SYCP2: variants seen among roughly 807,000 people sequenced by gnomAD.
The protein encoded by SYCP2 is synaptonemal complex lateral element protein.
SYCP2 carries 55 observed loss-of-function variants against 211.3 expected under a neutral mutation model. The ratio of observed to expected loss-of-function variants is 0.26; its 90% CI spans 0.21 to 0.33. The LOEUF (loss-of-function observed/expected upper bound fraction) is 0.33. SYCP2 is among the 10% of genes least tolerant of loss of function. The probability of loss-of-function intolerance (pLI) is 1.00; values close to 1 mark genes in which losing one functional copy is unlikely to be tolerated. For missense variants in SYCP2, 1,731 were observed against 1,752.0 expected (o/e 0.99, Z 0.21); for synonymous variants, 570 against 555.2 (o/e 1.03, Z -0.37).
chr20:59,910,374 ATTTTTTTTTT>A (rs898302276), intron 14 of SYCP2, among the ~76,000 whole-genome samples: 6 of 76,262 alleles, frequency 7.9e-5, no homozygotes, highest in Non-Finnish European at 7.4e-5. Context: ...GTAATTGCTT[ATTTTTTTTTT>A]TTTTTTTTTT....
intron 15 of SYCP2, 60 bp from the exon 16 acceptor site, chr20:59,901,870 A>G (rs1030257225): frequency 1.4e-5 from 18 of 1,297,498 alleles, no homozygotes; most frequent in South Asian, 1.8e-5. Flanking sequence ...CAAGTATACT[A>G]TAAATAAGAC....
At chr20:59,901,923 T>C (rs1412848407) in intron 15 of SYCP2, 113 bp from the exon 16 acceptor site, 2 of 812,210 alleles carry the variant, frequency 2.5e-6, no homozygotes, top group African/African-American at 1.8e-5. Context: ...AAATTCTCAA[T>C]ATTGAACAGT....
At position 59,916,403 on chromosome 20, in the gene SYCP2, T is replaced by A. The variant is rs185034744; in HGVS notation, c.513+83A>T. On this transcript the variant is annotated intron_variant, in intron 8 of 44. Transcript: ENST00000357552. ...CCAAGCTAAGTAATTTTGTCCTACA[T>A]GAAATAAATTGTCAATTTAATTGCT... 1.4e-4 allele frequency: 111 copies of A among 765,626 alleles called. No homozygotes were observed. The African/African-American group carries it at 1.8e-3, about 12-fold the overall frequency. 47.4% of individuals were successfully genotyped at this position (765,626 alleles called of 1,614,324 possible).
chr20:59,874,016 C>A lies in SYCP2; in HGVS notation c.3395G>T (p.Cys1132Phe). ...ATAAGGTGATATAGATTTTGTTATG[C>A]AGTCATAATCCTGAGTAAAATCCTT... ...TEKDFTQDYD[C>F]ITKSISPYPK... The change falls in exon 35 of 45, where the codon TGC (cysteine) becomes TTC (phenylalanine). Residue 1132 changes from cysteine to phenylalanine, a missense_variant. Cys to Phe is a radical substitution (Grantham distance 205, BLOSUM62 -2). Coordinates refer to ENST00000357552, the MANE Select transcript of SYCP2 (RefSeq NM_014258.4). 6.2e-7 allele frequency: 1 copy of A among 1,611,632 alleles called. No individual in the cohort carries two copies. The highest frequency in any genetic ancestry group is 8.5e-7 in the Non-Finnish European group (1 of 1,178,492).
At chr20:59,871,795 A>G (rs1159356043) in intron 35 of SYCP2, among the ~76,000 whole-genome samples, 1 of 151,968 alleles carries the variant, frequency 6.6e-6, no homozygotes, top group Non-Finnish European at 1.5e-5. Flanking sequence ...AATAGTTGTT[A>G]TATGTGTTGT....
chr20:59,921,287 A>C (rs776391586), intron 4 of SYCP2, 23 bp downstream of exon 4: 1 of 1,570,090 alleles, frequency 6.4e-7, no homozygotes, highest in Non-Finnish European at 8.6e-7. Context: ...TGTAACAATC[A>C]TTCAGCAAAA....
rs775120601 is a variant in SYCP2 at position 59,922,382 on chromosome 20, C to T, written c.24+8G>A. On this transcript the variant is annotated splice_region_variant and intron_variant, in intron 3 of 44. Coordinates refer to ENST00000357552, the MANE Select transcript of SYCP2 (RefSeq NM_014258.4). ...GAAAATACTTACTTTTGGTCTAGGA[C>T]TACATACCTGGAGATCTGGTCTTAT... The T allele has an allele frequency of 1.2e-5, 19 of 1,565,390 alleles. No individual in the cohort carries two copies. Among genetic ancestry groups the T allele is most frequent in the Non-Finnish European group, 1.6e-5 (19 of 1,161,534 alleles).
intron 3 of SYCP2, 113 bp downstream of exon 3, chr20:59,922,277 C>A: frequency 1.1e-6 from 1 of 944,312 alleles, no homozygotes; most frequent in Non-Finnish European, 1.6e-6. Context: ...TTGACCATTT[C>A]ATAAAAACAT....
chr20:59,893,313 C>T (rs188916891), intron 21 of SYCP2, 114 bp from the exon 22 acceptor site: 53 of 784,522 alleles, frequency 6.8e-5, no homozygotes, highest in African/African-American at 5.6e-4. Flanking sequence ...ACGGATTGAT[C>T]GATTTTGCAT....
At chr20:59,893,470 G>A in intron 21 of SYCP2, 54 bp downstream of exon 21, 1 of 1,109,878 alleles carries the variant, frequency 9.0e-7, no homozygotes, top group South Asian at 1.4e-5. Context: ...AATACAGGGA[G>A]AAGTATATAC....
At chr20:59,886,637 C>T in intron 25 of SYCP2, 70 bp downstream of exon 25, 1 of 1,163,866 alleles carries the variant, frequency 8.6e-7, no homozygotes, top group Admixed American at 2.9e-5. Flanking sequence ...TTAAAATTAA[C>T]CTTTTTAAAA....
intron 2 of SYCP2, among the ~76,000 whole-genome samples, chr20:59,929,376 T>C (rs903496615): frequency 6.6e-6 from 1 of 152,186 alleles, no homozygotes; most frequent in African/African-American, 2.4e-5. Flanking sequence ...TTGAATACCA[T>C]ATGACACAGT....
chr20:59,865,752 A>C lies in SYCP2; in HGVS notation c.4379+55T>G, dbSNP rs370365049. ...ATTTTAATTTTTCAAATAGAAATTTATTAATTTAAAAATCTAATTTTATAG... is the reference window on the plus strand; with the variant it reads ...ATTTTAATTTTTCAAATAGAAATTTCTTAATTTAAAAATCTAATTTTATAG... On this transcript the variant is annotated intron_variant, in intron 42 of 44. Coordinates refer to ENST00000357552, the MANE Select transcript of SYCP2 (RefSeq NM_014258.4). 30 of 1,099,572 alleles carry C rather than the reference A, an allele frequency of 2.7e-5. No individual in the cohort carries two copies. The East Asian group carries it at 4.6e-4, about 17-fold the overall frequency. 68.1% of individuals were successfully genotyped at this position (1,099,572 alleles called of 1,614,324 possible).
intron 15 of SYCP2, among the ~76,000 whole-genome samples, chr20:59,905,225 T>C (rs560322308): frequency 3.3e-5 from 5 of 152,294 alleles, no homozygotes; most frequent in African/African-American, 9.6e-5. Context: ...GCTAATCATA[T>C]GCCTATGGGT....
chr20:59,916,074 A>T (rs912049095), intron 8 of SYCP2, among the ~76,000 whole-genome samples: 2 of 152,074 alleles, frequency 1.3e-5, no homozygotes, highest in Non-Finnish European at 2.9e-5. Context: ...ATATAACATG[A>T]CTCCGATACT....
At chr20:59,898,330 C>T (rs1713209947) in intron 18 of SYCP2, among the ~76,000 whole-genome samples, 1 of 152,094 alleles carries the variant, frequency 6.6e-6, no homozygotes, top group Non-Finnish European at 1.5e-5. Context: ...AAATGCCCAT[C>T]AATGATAGAC....
intron 44 of SYCP2, 74 bp from the exon 45 acceptor site, chr20:59,864,462 A>C: frequency 9.7e-7 from 1 of 1,027,668 alleles, no homozygotes; most frequent in Non-Finnish European, 1.4e-6. Flanking sequence ...AAATAGAAAA[A>C]AAAAAATCAA....
intron 14 of SYCP2, among the ~76,000 whole-genome samples, chr20:59,908,630 A>T (rs574679815): frequency 3.9e-5 from 6 of 152,224 alleles, no homozygotes; most frequent in East Asian, 3.9e-4. Context: ...TTCACTTTTT[A>T]AAAAAACACA....
At position 59,919,669 on chromosome 20, in the gene SYCP2, A is replaced by G. The variant is rs75787998; in HGVS notation, c.298-72T>C. On this transcript the variant is annotated intron_variant, in intron 5 of 44. Coordinates refer to ENST00000357552, the MANE Select transcript of SYCP2 (RefSeq NM_014258.4). ...AGAATGTACTTATCTATCTTTGCAT[A>G]AACAGTAAACCTAGGAATAAAGACA... 8.9e-4 allele frequency: 805 copies of G among 907,460 alleles called. 6 individuals carry two copies. The African/African-American group carries it at 0.011, about 13-fold the overall frequency. The allele number at this position is 907,460 out of a possible 1,614,324, so 56.2% of individuals were successfully genotyped here. A position where few individuals can be genotyped will look rare whatever the true frequency, so the allele number is the denominator to read the frequency against.
Sources: allele counts gnomAD v4.1 joint callset (sites outside exome capture counted in the v4.1 genomes callset), GRCh38; gene constraint gnomAD v4.1.1; transcripts MANE v1.5; gene names NCBI Gene and HGNC (gene_info 2026-07-23, HGNC 2026-07-21).